The following ATP13A4 variants were observed in gnomAD, a reference collection of about 807,000 sequenced individuals.
ATP13A4 encodes probable cation-transporting ATPase 13A4.
ATP13A4 carries 114 observed loss-of-function variants against 142.5 expected under a neutral mutation model. The ratio of observed to expected loss-of-function variants is 0.80; its 90% CI spans 0.69 to 0.93. The LOEUF (loss-of-function observed/expected upper bound fraction) is 0.93, where lower values mean the gene tolerates loss of function less well. Ranked by LOEUF, ATP13A4 falls within the 40% of genes least tolerant of loss-of-function variation. ATP13A4 has a pLI of 0.00. For synonymous variants in ATP13A4, 488 were observed against 514.8 expected, an observed-to-expected ratio of 0.95 and a Z score of 0.70; for missense variants, 1,392 against 1,454.0, an observed-to-expected ratio of 0.96 and a Z score of 0.69.
chr3:193,466,430 G>A lies in ATP13A4; in HGVS notation c.1115-248C>T, dbSNP rs78515568. On this transcript the variant is annotated intron_variant, in intron 10 of 29. Transcript: ENST00000342695. ...CAATGCATCCTGGAGATAGAAAACC[G>A]CCGTACTGGGTGCACAGCACAGCTT... Among the ~76,000 whole-genome samples, 1,098 of 152,264 alleles carry A rather than the reference G, an allele frequency of 7.2e-3. 13 individuals carry two copies. The highest frequency in any genetic ancestry group is 0.025 in the African/African-American group (1,034 of 41,548).
chr3:193,499,236 A>T (rs149229764), intron 3 of ATP13A4, among the ~76,000 whole-genome samples: 131 of 152,366 alleles, frequency 8.6e-4, no homozygotes, highest in South Asian at 1.4e-3. Flanking sequence ...GTGAATTTCC[A>T]GTAGGAATGA....
In ATP13A4 at chr3:193,457,422, G is replaced by A. The variant is rs763560145; in HGVS notation, c.1718C>T (p.Pro573Leu). The A allele has an allele frequency of 2.2e-5, 35 of 1,614,012 alleles. No homozygotes were observed. The highest frequency in any genetic ancestry group is 6.7e-5 in the East Asian group (3 of 44,882). Residue 573 changes from proline to leucine, a missense_variant, in exon 15 of 30, where the codon CCG becomes CTG. Pro to Leu is a moderately conservative substitution (Grantham distance 98, BLOSUM62 -3). Coordinates refer to ENST00000342695, the MANE Select transcript of ATP13A4 (RefSeq NM_032279.4). ...GGGCTTAACTACCATGGCATGTGCC[G>A]GCACTCCCTTGATGTGGAAATCGTC... ...SGDDFHIKGVPAHAMVVKPCR... is the reference protein window; with the variant it reads ...SGDDFHIKGVLAHAMVVKPCR...
chr3:193,540,459 A>C (rs768271679), intron 1 of ATP13A4, among the ~76,000 whole-genome samples: 79 of 150,198 alleles, frequency 5.3e-4, no homozygotes, highest in Non-Finnish European at 8.4e-4. Flanking sequence ...GAGTATTAAA[A>C]GTCAAACTGG....
chr3:193,460,852 T>C (rs908104532), intron 13 of ATP13A4, among the ~76,000 whole-genome samples: 3 of 152,222 alleles, frequency 2.0e-5, no homozygotes, highest in African/African-American at 7.2e-5. Flanking sequence ...CAATCCCTGA[T>C]AGCCTTTAAT....
At chr3:193,504,045 G>A (rs1720719418) in intron 2 of ATP13A4, among the ~76,000 whole-genome samples, 1 of 151,764 alleles carries the variant, frequency 6.6e-6, no homozygotes, top group South Asian at 2.1e-4. Flanking sequence ...GAGAGAGAAA[G>A]AGAGATGAAG....
Position 193,538,892 on chromosome 3 carries a change from C to CTT in ATP13A4, c.60+15846_60+15847dup, listed in dbSNP as rs67132373. ...ATTTTTCTTTCTTTCTTGGTTTTTTCTTTTTTTTTTTTTTTTTTTGAGATG... is the reference window on the plus strand; with the variant it reads ...ATTTTTCTTTCTTTCTTGGTTTTTTCTTTTTTTTTTTTTTTTTTTTTGAGATG... On this transcript the variant is annotated intron_variant, in intron 1 of 29. Transcript: ENST00000342695. Among the ~76,000 whole-genome samples the CTT allele has an allele frequency of 2.8e-3, 342 of 120,854 alleles. 7 individuals carry two copies. In the East Asian group the frequency reaches 0.049, roughly 17 times the overall value. 79.3% of individuals were successfully genotyped at this position (120,854 alleles called of 152,430 possible).
intron 25 of ATP13A4, 113 bp from the exon 26 acceptor site, chr3:193,414,863 T>G (rs1354543170): frequency 5.0e-6 from 5 of 1,000,058 alleles, no homozygotes; most frequent in Non-Finnish European, 7.8e-6. Flanking sequence ...CAAACTGGAG[T>G]ACATCACAAA....
intron 18 of ATP13A4, among the ~76,000 whole-genome samples, chr3:193,443,111 T>C (rs1353533352): frequency 6.6e-6 from 1 of 152,148 alleles, no homozygotes; most frequent in Non-Finnish European, 1.5e-5. Flanking sequence ...GACTGGCGTG[T>C]GGGCCTCAGT....
At chr3:193,534,648 A>G (rs1016921941) in intron 1 of ATP13A4, among the ~76,000 whole-genome samples, 5 of 152,200 alleles carry the variant, frequency 3.3e-5, no homozygotes, top group Admixed American at 6.5e-5. Flanking sequence ...AAAATGAAAA[A>G]TAGAACAAAA....
At chr3:193,530,217 GT>G (rs1722242404) in intron 1 of ATP13A4, among the ~76,000 whole-genome samples, 1 of 150,612 alleles carries the variant, frequency 6.6e-6, no homozygotes, top group Non-Finnish European at 1.5e-5. Context: ...TTCGGTTTTT[GT>G]TTGTTTTTGC....
intron 1 of ATP13A4, among the ~76,000 whole-genome samples, chr3:193,527,622 A>AG: frequency 6.6e-6 from 1 of 151,630 alleles, no homozygotes; most frequent in East Asian, 1.9e-4. Flanking sequence ...AAAAAAAAAA[A>AG]AAAAGGGCAG....
intron 8 of ATP13A4, among the ~76,000 whole-genome samples, chr3:193,473,065 C>A (rs1214290402): frequency 2.6e-5 from 4 of 152,174 alleles, no homozygotes; most frequent in Non-Finnish European, 5.9e-5. Context: ...TTCTAAATTC[C>A]CTTTCTCCCA....
chr3:193,421,086 C>T (rs1715379515), intron 25 of ATP13A4, among the ~76,000 whole-genome samples: 1 of 149,800 alleles, frequency 6.7e-6, no homozygotes, highest in Non-Finnish European at 1.5e-5. Context: ...CAAAAGAATT[C>T]AACCCAAAGA....
In ATP13A4 at chr3:193,492,960, G is replaced by T. The variant is rs149579644; in HGVS notation, c.490C>A (p.Gln164Lys). ...CTTGTCAAGCCTGATCCAAATTTTTGATGTATCTTGGCAGAACTAAGCCAG... is the reference window on the plus strand; with the variant it reads ...CTTGTCAAGCCTGATCCAAATTTTTTATGTATCTTGGCAGAACTAAGCCAG... ...EDWLSSAKIH[Q>K]KFGSGLTREE... is the part of the protein sequence containing the mutation. The change falls in exon 5 of 30, where the codon CAA becomes AAA. Residue 164 changes from glutamine (Q) to lysine (K), a missense_variant. Coordinates refer to ENST00000342695, the MANE Select transcript of ATP13A4 (RefSeq NM_032279.4). The T allele has an allele frequency of 1.5e-3, 2,493 of 1,611,310 alleles. 16 individuals are homozygous for T. Among genetic ancestry groups the T allele is most frequent in the Non-Finnish European group, 7.7e-4 (906 of 1,178,202 alleles).
intron 1 of ATP13A4, among the ~76,000 whole-genome samples, chr3:193,533,737 G>A (rs1722445872): frequency 6.6e-6 from 1 of 152,124 alleles, no homozygotes; most frequent in Non-Finnish European, 1.5e-5. Context: ...CGACCAAATG[G>A]GGAACCTAAA....
At chr3:193,468,840 TTCTAG>T (rs1718455865) in intron 9 of ATP13A4, among the ~76,000 whole-genome samples, 2 of 152,248 alleles carry the variant, frequency 1.3e-5, no homozygotes, top group Non-Finnish European at 2.9e-5. Flanking sequence ...TACAATGACT[TTCTAG>T]TTCTGACTTG....
chr3:193,505,159 T>A (rs538731698), intron 2 of ATP13A4, among the ~76,000 whole-genome samples: 1 of 152,266 alleles, frequency 6.6e-6, no homozygotes, highest in Non-Finnish European at 1.5e-5. Flanking sequence ...TCCCATGGTG[T>A]CTATGGCTTG....
At chr3:193,432,566 G>T (rs1716038611) in intron 25 of ATP13A4, among the ~76,000 whole-genome samples, 1 of 151,942 alleles carries the variant, frequency 6.6e-6, no homozygotes, top group African/African-American at 2.4e-5. Flanking sequence ...GCACTAAAAA[G>T]AAATGAACTA....
intron 20 of ATP13A4, 41 bp from the exon 21 acceptor site, chr3:193,440,678 C>A: frequency 6.3e-7 from 1 of 1,591,678 alleles, no homozygotes; most frequent in Non-Finnish European, 8.6e-7. Flanking sequence ...ATCAAGTCAT[C>A]TGGTTGTACA....
Sources: allele counts gnomAD v4.1 joint callset (sites outside exome capture counted in the v4.1 genomes callset), GRCh38; gene constraint gnomAD v4.1.1; transcripts MANE v1.5; gene names NCBI Gene and HGNC (gene_info 2026-07-23, HGNC 2026-07-21).